ERC1: variants seen among roughly 807,000 people sequenced by gnomAD.
ERC1 encodes RAB6 interacting protein 2.
In ERC1, 56 loss-of-function variants were observed where a neutral mutation model predicts 132.0. The ratio of observed to expected loss-of-function variants is 0.42; its 90% confidence interval spans 0.34 to 0.53. The LOEUF (loss-of-function observed/expected upper bound fraction) is 0.53. Ranked by LOEUF, ERC1 falls within the 20% of genes least tolerant of loss-of-function variation. The pLI is 0.03. For synonymous variants in ERC1, 478 were observed against 476.1 expected (o/e 1.00, Z -0.05); for missense variants, 1,202 against 1,349.9 (o/e 0.89, Z 1.72).
chr12:1,289,905 G>T lies in ERC1; in HGVS notation c.2673G>T (p.Met891Ile). The change falls in exon 15 of 19, where the codon ATG becomes ATT. Residue 891 changes from methionine (M) to isoleucine (I), a missense_variant. By Grantham distance (10) the Met-to-Ile change is conservative. Transcript: ENST00000360905. ...AGGTAAAGCAGGAACTAGAATCCAT[G>T]AAAGCAAAGCTGTCCTCCACCCAGC... ...MEKVKQELES[M>I]KAKLSSTQQS... The T allele has an allele frequency of 6.2e-7, 1 of 1,613,986 alleles. No individual in the cohort carries two copies. The highest frequency in any genetic ancestry group is 1.1e-5 in the South Asian group (1 of 91,074).
At position 1,187,564 on chromosome 12, in the gene ERC1, G is replaced by T. The variant is rs141650944; in HGVS notation, c.2158-2295G>T. On this transcript the variant is annotated intron_variant, in intron 11 of 18. Coordinates refer to ENST00000360905, the MANE Select transcript of ERC1 (RefSeq NM_178040.4). ...TTAGAGACGTGAACCACTGCACCTGGCCTCATTTGATATTCTTAATAATAT... is the reference window on the plus strand; with the variant it reads ...TTAGAGACGTGAACCACTGCACCTGTCCTCATTTGATATTCTTAATAATAT... Among the ~76,000 whole-genome samples, 13 of 152,114 alleles carry T rather than the reference G, an allele frequency of 8.5e-5. No homozygotes were observed. In the East Asian group the frequency reaches 2.5e-3, roughly 29 times the overall value.
At chr12:1,097,039 G>A (rs1416138420) in intron 3 of ERC1, among the ~76,000 whole-genome samples, 2 of 152,086 alleles carry the variant, frequency 1.3e-5, no homozygotes, top group Non-Finnish European at 2.9e-5. Flanking sequence ...TGTTTTGTCT[G>A]TTTTTCAAAA....
chr12:1,424,227 A>G (rs2092534083), intron 17 of ERC1, among the ~76,000 whole-genome samples: 1 of 152,238 alleles, frequency 6.6e-6, no homozygotes, highest in African/African-American at 2.4e-5. Flanking sequence ...ATGAATGAGT[A>G]GGCAATCTAC....
At chr12:1,005,421 A>G (rs1363376041) in intron 1 of ERC1, among the ~76,000 whole-genome samples, 1 of 152,228 alleles carries the variant, frequency 6.6e-6, no homozygotes, top group Non-Finnish European at 1.5e-5. Flanking sequence ...GATTACAGGC[A>G]TGAGACACCA....
intron 8 of ERC1, among the ~76,000 whole-genome samples, chr12:1,158,977 A>T (rs913565121): frequency 2.6e-5 from 4 of 152,214 alleles, no homozygotes; most frequent in African/African-American, 9.7e-5. Context: ...GTTGAAGTTC[A>T]TTGGCATATC....
chr12:1,151,670 C>G (rs1566091891), intron 8 of ERC1: 1 of 152,246 alleles, frequency 6.6e-6, no homozygotes. Flanking sequence ...TGAATTATAT[C>G]AACAGGTAAC....
intron 18 of ERC1, among the ~76,000 whole-genome samples, chr12:1,455,794 T>G (rs2093520797): frequency 6.6e-6 from 1 of 152,214 alleles, no homozygotes; most frequent in South Asian, 2.1e-4. Context: ...TTCATAGAAC[T>G]CAAGGATTTG....
At chr12:1,410,349 G>A (rs1462800756) in intron 17 of ERC1, 1 of 963,854 alleles carries the variant, frequency 1.0e-6, no homozygotes, top group South Asian at 1.3e-5. Flanking sequence ...ATTCCATGCT[G>A]CCCTGGGGCA....
In ERC1 at chr12:1,141,927, G is replaced by A. The variant is rs186262328; in HGVS notation, c.1737+140G>A. The A allele has an allele frequency of 1.5e-5, 9 of 600,264 alleles. No homozygotes were observed. The Admixed American group carries it at 1.9e-4, about 12-fold the overall frequency. The allele number at this position is 600,264 out of a possible 1,614,324, so 37.2% of individuals were successfully genotyped here. A position where few individuals can be genotyped will look rare whatever the true frequency, so the allele number is the denominator to read the frequency against. ...TTGTGATTAGTAATTTGGAACTCTT[G>A]TTGCGGTAGGTAGATTGTTAAGACT... is the stretch of plus-strand genomic sequence containing the variant. On this transcript the variant is annotated intron_variant, in intron 8 of 18. Coordinates refer to ENST00000360905, the MANE Select transcript of ERC1 (RefSeq NM_178040.4).
chr12:1,400,093 T>TGG (rs2090895157), intron 16 of ERC1, among the ~76,000 whole-genome samples: 1 of 152,204 alleles, frequency 6.6e-6, no homozygotes, highest in African/African-American at 2.4e-5. Context: ...TGGTATCTCA[T>TGG]TATGGGGTTT....
chr12:1,174,966 C>G lies in ERC1; in HGVS notation c.1738-5574C>G, dbSNP rs150947576. The stretch of plus-strand genomic sequence containing the variant: ...CAGACCACCACAGTAAAACGAGTCA[C>G]ACAAATTTTTTGGCTTCCCAGAGCA... On this transcript the variant is annotated intron_variant, in intron 8 of 18. Coordinates refer to ENST00000360905, the MANE Select transcript of ERC1 (RefSeq NM_178040.4). Among the ~76,000 whole-genome samples, 393 of 152,306 alleles carry G rather than the reference C, an allele frequency of 2.6e-3. 2 individuals are homozygous for G. Among genetic ancestry groups the G allele is most frequent in the African/African-American group, 9.1e-3 (379 of 41,568 alleles).
At chr12:1,148,151 T>A (rs905573593) in intron 8 of ERC1, among the ~76,000 whole-genome samples, 2 of 152,212 alleles carry the variant, frequency 1.3e-5, no homozygotes, top group Non-Finnish European at 2.9e-5. Context: ...AAGTAACGCA[T>A]TGCTTATTTT....
At chr12:1,475,861 T>TG (rs2093959740) in intron 18 of ERC1, among the ~76,000 whole-genome samples, 1 of 151,804 alleles carries the variant, frequency 6.6e-6, no homozygotes, top group Admixed American at 6.6e-5. Flanking sequence ...CTAGATGTGG[T>TG]GGCTCACACC....
chr12:1,095,566 CTA>C (rs72470914), intron 3 of ERC1, among the ~76,000 whole-genome samples: 3,345 of 152,058 alleles, frequency 0.022, 117 homozygotes, highest in African/African-American at 0.077. Context: ...GACAAATAGA[CTA>C]TATAACAAGA....
chr12:1,378,840 A>G (rs765678407), intron 16 of ERC1, among the ~76,000 whole-genome samples: 1 of 152,244 alleles, frequency 6.6e-6, no homozygotes, highest in Non-Finnish European at 1.5e-5. Flanking sequence ...ACATTATTGC[A>G]TCTGAACCTT....
intron 8 of ERC1, among the ~76,000 whole-genome samples, chr12:1,156,109 TTA>T (rs1951366990): frequency 6.6e-6 from 1 of 152,140 alleles, no homozygotes; most frequent in African/African-American, 2.4e-5. Flanking sequence ...TAATATCATC[TTA>T]TATACAGCTT....
At chr12:1,099,395 T>A (rs915931748) in intron 3 of ERC1, among the ~76,000 whole-genome samples, 1 of 151,990 alleles carries the variant, frequency 6.6e-6, no homozygotes, top group African/African-American at 2.4e-5. Flanking sequence ...AACATACCTG[T>A]GAGATCATCT....
intron 8 of ERC1, among the ~76,000 whole-genome samples, chr12:1,150,371 T>C (rs1950727305): frequency 6.6e-6 from 1 of 152,198 alleles, no homozygotes; most frequent in Non-Finnish European, 1.5e-5. Context: ...GCAGAACATA[T>C]TCATAGGGAA....
intron 2 of ERC1, among the ~76,000 whole-genome samples, chr12:1,081,949 T>C (rs1942256780): frequency 6.9e-6 from 1 of 144,626 alleles, no homozygotes; most frequent in African/African-American, 2.4e-5. Context: ...TACAAACTAC[T>C]TGTTAAATGT....
Sources: allele counts gnomAD v4.1 joint callset (sites outside exome capture counted in the v4.1 genomes callset), GRCh38; gene constraint gnomAD v4.1.1; transcripts MANE v1.5; gene names NCBI Gene and HGNC (gene_info 2026-07-23, HGNC 2026-07-21).